The following DACH1 variants were observed in gnomAD, a reference collection of about 807,000 sequenced individuals.
DACH1 encodes dachshund homolog 1.
A neutral mutation model predicts 54.2 loss-of-function variants in DACH1; 12 were observed. The observed-to-expected ratio is 0.22, with a 90% CI of 0.14 to 0.36. The LOEUF (loss-of-function observed/expected upper bound fraction) is 0.36. DACH1 is among the 10% of genes least tolerant of loss of function. The pLI is 1.00. For synonymous variants in DACH1, 386 were observed against 366.2 expected, an observed-to-expected ratio of 1.05 and a Z score of -0.62; for missense variants, 805 against 929.8, an observed-to-expected ratio of 0.87 and a Z score of 1.75.
chr13:71,640,196 AC>A (rs1877794461), intron 2 of DACH1, among the ~76,000 whole-genome samples: 1 of 151,768 alleles, frequency 6.6e-6, no homozygotes, highest in Admixed American at 6.6e-5. Context: ...GAAACAGATG[AC>A]CCCCACTTTG....
chr13:71,749,250 T>C (rs1287688894), intron 1 of DACH1, among the ~76,000 whole-genome samples: 1 of 152,094 alleles, frequency 6.6e-6, no homozygotes, highest in Admixed American at 6.6e-5. Flanking sequence ...CCCAAAGTGC[T>C]GGGATTACAG....
intron 1 of DACH1, among the ~76,000 whole-genome samples, chr13:71,749,067 C>T (rs1884806686): frequency 6.6e-6 from 1 of 151,732 alleles, no homozygotes; most frequent in Non-Finnish European, 1.5e-5. Context: ...TCACTGCCAC[C>T]TCTGCCTTCT....
At chr13:71,495,546 T>C (rs1387724923) in intron 6 of DACH1, among the ~76,000 whole-genome samples, 6 of 152,092 alleles carry the variant, frequency 3.9e-5, no homozygotes, top group Non-Finnish European at 7.4e-5. Context: ...TAAAACACAG[T>C]TGTTTAAACT....
At chr13:71,851,595 C>T (rs1205029776) in intron 1 of DACH1, among the ~76,000 whole-genome samples, 1 of 151,910 alleles carries the variant, frequency 6.6e-6, no homozygotes, top group Non-Finnish European at 1.5e-5. Context: ...AATCATTCAC[C>T]CTTTGGACTT....
chr13:71,713,352 C>A (rs1289058786), intron 1 of DACH1, among the ~76,000 whole-genome samples: 1 of 152,036 alleles, frequency 6.6e-6, no homozygotes, highest in Non-Finnish European at 1.5e-5. Context: ...GAGATTAATT[C>A]AATGGTCTAA....
intron 1 of DACH1, among the ~76,000 whole-genome samples, chr13:71,757,801 GT>G (rs1885232591): frequency 6.6e-6 from 1 of 152,108 alleles, no homozygotes; most frequent in African/African-American, 2.4e-5. Flanking sequence ...GGGATTACAG[GT>G]GTGAGCCACC....
At chr13:71,515,453 T>G (rs1312627669) in intron 6 of DACH1, among the ~76,000 whole-genome samples, 1 of 151,992 alleles carries the variant, frequency 6.6e-6, no homozygotes. Context: ...AACTATGTTC[T>G]TTCTGCATAT....
intron 4 of DACH1, among the ~76,000 whole-genome samples, chr13:71,560,612 A>C (rs1884523296): frequency 6.6e-6 from 1 of 152,202 alleles, no homozygotes; most frequent in Non-Finnish European, 1.5e-5. Context: ...ATCATGTCCC[A>C]GGGAAATTTG....
chr13:71,625,116 T>A (rs911744604), intron 3 of DACH1, among the ~76,000 whole-genome samples: 3 of 149,716 alleles, frequency 2.0e-5, no homozygotes, highest in African/African-American at 7.3e-5. Flanking sequence ...CTTTTTAAAC[T>A]TTTTTTTTAT....
intron 3 of DACH1, 102 bp downstream of exon 3, chr13:71,630,454 C>T: frequency 7.0e-7 from 1 of 1,432,470 alleles, no homozygotes; most frequent in Non-Finnish European, 9.1e-7. Flanking sequence ...CTAAAAGTGC[C>T]AACTTTTTGA....
intron 1 of DACH1, among the ~76,000 whole-genome samples, chr13:71,792,641 G>A (rs1386009619): frequency 6.6e-6 from 1 of 152,120 alleles, no homozygotes; most frequent in Non-Finnish European, 1.5e-5. Context: ...TCAATCCGTG[G>A]TCACTGTATG....
intron 6 of DACH1, among the ~76,000 whole-genome samples, chr13:71,519,907 A>ATATATATATATATATATC (rs1248149525): frequency 2.9e-5 from 4 of 137,646 alleles, no homozygotes; most frequent in Admixed American, 7.4e-5. Context: ...ATATATATAT[A>ATATATATATATATATATC]TCCTAACTAA....
chr13:71,569,214 G>A (rs1044197520), intron 4 of DACH1, among the ~76,000 whole-genome samples: 2 of 151,834 alleles, frequency 1.3e-5, no homozygotes, highest in Non-Finnish European at 2.9e-5. Context: ...TGAGAGTTTA[G>A]TTTGAGCTGC....
intron 1 of DACH1, among the ~76,000 whole-genome samples, chr13:71,683,864 A>C (rs1881029737): frequency 6.6e-6 from 1 of 152,056 alleles, no homozygotes. Context: ...GGATTCAGAC[A>C]GATGAATGCT....
chr13:71,444,869 CTATATTG>C (rs1161884241), intron 10 of DACH1, among the ~76,000 whole-genome samples: 1 of 152,086 alleles, frequency 6.6e-6, no homozygotes, highest in African/African-American at 2.4e-5. Flanking sequence ...ACGCCAAACT[CTATATTG>C]TGTTGGAATA....
intron 4 of DACH1, 133 bp from the exon 5 acceptor site, chr13:71,560,088 A>G: frequency 1.1e-5 from 11 of 1,032,108 alleles, no homozygotes; most frequent in Non-Finnish European, 1.3e-5. Context: ...TCAGCATTTA[A>G]CTGTACTAAA....
intron 1 of DACH1, among the ~76,000 whole-genome samples, chr13:71,696,049 G>T (rs567061655): frequency 6.6e-6 from 1 of 152,082 alleles, no homozygotes; most frequent in African/African-American, 2.4e-5. Flanking sequence ...TCAAGATAGG[G>T]ATGAAAAACA....
chr13:71,716,753 T>A (rs1882988810), intron 1 of DACH1, among the ~76,000 whole-genome samples: 1 of 152,186 alleles, frequency 6.6e-6, no homozygotes, highest in Non-Finnish European at 1.5e-5. Context: ...AATGGTCTGG[T>A]AATAAGGATA....
intron 3 of DACH1, among the ~76,000 whole-genome samples, chr13:71,587,979 C>T (rs936405723): frequency 1.3e-5 from 2 of 152,046 alleles, no homozygotes; most frequent in Non-Finnish European, 2.9e-5. Context: ...CTGTAGGGCT[C>T]TTCAAAGCTT....
Sources: allele counts gnomAD v4.1 joint callset (sites outside exome capture counted in the v4.1 genomes callset), GRCh38; gene constraint gnomAD v4.1.1; transcripts MANE v1.5; gene names NCBI Gene and HGNC (gene_info 2026-07-23, HGNC 2026-07-21).